PRELID2: variants seen among roughly 807,000 people sequenced by gnomAD.
PRELID2 encodes PRELI domain containing 2, also known as PRELI domain-containing protein 2.
Under a neutral mutation model 28.4 loss-of-function variants are expected in PRELID2, and 25 were observed. The ratio of observed to expected loss-of-function variants is 0.88; its 90% confidence interval spans 0.64 to 1.23. PRELID2 has a LOEUF of 1.23. Among genes scored for constraint, PRELID2 ranks in the 50% most tolerant of loss-of-function variants. The probability of loss-of-function intolerance (pLI) is 0.00; values close to 1 mark genes in which losing one functional copy is unlikely to be tolerated. For synonymous variants in PRELID2, 76 were observed against 71.6 expected (o/e 1.06, Z -0.31); for missense variants, 201 against 214.4 (o/e 0.94, Z 0.39).
At chr5:145,294,976 T>C in the PRELID2 span, among the ~76,000 whole-genome samples, 3 of 152,118 alleles carry the variant, frequency 2.0e-5, no homozygotes, top group East Asian at 3.9e-4. Flanking sequence ...ACATCAGAGC[T>C]TCACAGCCAT....
chr5:145,786,485 G>A (rs763821808), intron 5 of PRELID2, among the ~76,000 whole-genome samples: 9 of 152,282 alleles, frequency 5.9e-5, no homozygotes, highest in Non-Finnish European at 4.4e-5. Context: ...AGGGAGGCCC[G>A]CTGAATCCTA....
At chr5:145,801,926 G>A (rs1277451797) in intron 4 of PRELID2, among the ~76,000 whole-genome samples, 2 of 152,190 alleles carry the variant, frequency 1.3e-5, no homozygotes, top group Non-Finnish European at 2.9e-5. Flanking sequence ...GCTTGGCATA[G>A]AATTTTCTCT....
At chr5:145,601,304 C>T (rs1022546409) in intron 1 of PRELID2, among the ~76,000 whole-genome samples, 1 of 151,746 alleles carries the variant, frequency 6.6e-6, no homozygotes, top group Non-Finnish European at 1.5e-5. Flanking sequence ...ATTGCTTAGC[C>T]TGAAATACAG....
chr5:145,251,538 C>A, the PRELID2 span, among the ~76,000 whole-genome samples: 1 of 152,166 alleles, frequency 6.6e-6, no homozygotes, highest in South Asian at 2.1e-4. Context: ...AGCCTTGTGG[C>A]CTTCATCATC....
intron 5 of PRELID2, among the ~76,000 whole-genome samples, chr5:145,768,757 G>T (rs1462886521): frequency 6.6e-6 from 1 of 152,102 alleles, no homozygotes; most frequent in East Asian, 1.9e-4. Flanking sequence ...GAAGACTGAG[G>T]TTTTCCTTGG....
chr5:145,400,779 T>C, the PRELID2 span, among the ~76,000 whole-genome samples: 8 of 152,120 alleles, frequency 5.3e-5, no homozygotes, highest in African/African-American at 7.2e-5. Flanking sequence ...AGGAAACACA[T>C]TGAGACTCTG....
chr5:145,245,851 C>T, the PRELID2 span, among the ~76,000 whole-genome samples: 4 of 152,072 alleles, frequency 2.6e-5, no homozygotes, highest in African/African-American at 9.7e-5. Context: ...TTCTTCCTCT[C>T]ACTAGACTGT....
the PRELID2 span, among the ~76,000 whole-genome samples, chr5:145,297,358 G>A: frequency 6.6e-5 from 10 of 151,824 alleles, no homozygotes; most frequent in African/African-American, 2.4e-4. Flanking sequence ...CAGAACCAAA[G>A]ACAAAAACCA....
In PRELID2 at chr5:145,698,009, T is replaced by C. The variant is rs185430770; in HGVS notation, n.70+66922A>G. Among the ~76,000 whole-genome samples the C allele has an allele frequency of 9.1e-3, 1,381 of 152,058 alleles. 18 individuals carry two copies. Among genetic ancestry groups the C allele is most frequent in the African/African-American group, 0.03 (1,255 of 41,512 alleles). On this transcript the variant is annotated intron_variant and non_coding_transcript_variant, in intron 1 of 2. Transcript: ENST00000510259. ...CTCAAAAAAAATATATATATATATA[T>C]ACATGAAGTTACGGTTTGCAAGGCA...
chr5:145,445,235 C>A, the PRELID2 span, among the ~76,000 whole-genome samples: 1 of 152,062 alleles, frequency 6.6e-6, no homozygotes, highest in Non-Finnish European at 1.5e-5. Flanking sequence ...CAAGTATCCA[C>A]AGCCAACTGA....
chr5:145,255,946 T>A, the PRELID2 span, among the ~76,000 whole-genome samples: 9 of 151,810 alleles, frequency 5.9e-5, no homozygotes, highest in African/African-American at 2.2e-4. Context: ...GAAATAGAGA[T>A]AACGGCCAAC....
chr5:145,740,094 C>T (rs35627244), intron 1 of PRELID2, among the ~76,000 whole-genome samples: 3,437 of 150,086 alleles, frequency 0.023, 66 homozygotes, highest in South Asian at 0.039. Context: ...AAGAAACTCA[C>T]ATGAAATATA....
Position 145,615,318 on chromosome 5 carries a change from CT to C in PRELID2, n.71-142004del, listed in dbSNP as rs1403386842. On this transcript the variant is annotated intron_variant and non_coding_transcript_variant, in intron 1 of 2. Transcript: ENST00000510259. Reference sequence around the variant, plus strand: ...GAGTCCTTATGTGTTATGTGAGTCTCTTTTTTTTGTTTTTTTTTTTTTTTTT... The same window carrying C: ...GAGTCCTTATGTGTTATGTGAGTCTCTTTTTTTGTTTTTTTTTTTTTTTTT... Among the ~76,000 whole-genome samples, 4 of 115,058 alleles carry C rather than the reference CT, an allele frequency of 3.5e-5. 1 individual carries two copies. The highest frequency in any genetic ancestry group is 2.6e-4 in the East Asian group (1 of 3,908). 75.5% of individuals were successfully genotyped at this position (115,058 alleles called of 152,430 possible).
intron 1 of PRELID2, among the ~76,000 whole-genome samples, chr5:145,714,266 G>A (rs1022576061): frequency 1.3e-5 from 2 of 152,136 alleles, no homozygotes; most frequent in African/African-American, 4.8e-5. Flanking sequence ...AATTAAATAA[G>A]TGTGACAGAT....
the PRELID2 span, among the ~76,000 whole-genome samples, chr5:145,302,926 C>T: frequency 4.7e-3 from 713 of 152,236 alleles, 7 homozygotes; most frequent in African/African-American, 0.016. Context: ...CAGCCTTCAA[C>T]AGTATTACAA....
the PRELID2 span, among the ~76,000 whole-genome samples, chr5:145,238,745 A>G: frequency 6.6e-6 from 1 of 152,028 alleles, no homozygotes; most frequent in Admixed American, 6.6e-5. Flanking sequence ...TGAACCTCAT[A>G]TTACCACAAT....
chr5:145,452,404 T>C, the PRELID2 span, among the ~76,000 whole-genome samples: 1 of 152,194 alleles, frequency 6.6e-6, no homozygotes, highest in African/African-American at 2.4e-5. Context: ...CCACACATGA[T>C]ATCTCTAGCA....
the PRELID2 span, among the ~76,000 whole-genome samples, chr5:145,256,005 T>C: frequency 0.077 from 11,726 of 151,932 alleles, 1,078 homozygotes; most frequent in African/African-American, 0.21. Context: ...TTGTTGCTGC[T>C]GTAGAAAATT....
chr5:145,807,188 A>G (rs1002195264), intron 4 of PRELID2, among the ~76,000 whole-genome samples: 1 of 152,112 alleles, frequency 6.6e-6, no homozygotes, highest in Non-Finnish European at 1.5e-5. Flanking sequence ...CTCCAATACA[A>G]TCTTATGGTA....
Sources: gnomAD v4.1 joint callset for allele counts (sites outside exome capture counted in the v4.1 genomes callset) on GRCh38, gnomAD v4.1.1 for gene constraint, MANE v1.5 for transcripts, NCBI Gene and HGNC (gene_info 2026-07-23, HGNC 2026-07-21) for gene names.